Variants in ABHD6 observed in about 807,000 individuals in gnomAD.
The protein encoded by ABHD6 is monoacylglycerol lipase ABHD6.
ABHD6 carries 33 observed loss-of-function variants against 38.8 expected under a neutral mutation model. The observed-to-expected ratio is 0.85, with a 90% CI of 0.64 to 1.14. The LOEUF is 1.14. Ranked by LOEUF, ABHD6 falls within the 50% of genes most tolerant of loss-of-function variation. ABHD6 has a pLI of 0.00. For synonymous variants in ABHD6, 147 were observed against 161.6 expected (o/e 0.91, Z 0.69); for missense variants, 380 against 422.6 (o/e 0.90, Z 0.88).
At chr3:58,261,927 T>C (rs183901576) in intron 3 of ABHD6, among the ~76,000 whole-genome samples, 16 of 152,274 alleles carry the variant, frequency 1.1e-4, no homozygotes, top group Non-Finnish European at 1.9e-4. Context: ...AGCGAAAAGA[T>C]AGAAATAACC....
intron 7 of ABHD6, among the ~76,000 whole-genome samples, chr3:58,280,002 C>G (rs1330928459): frequency 2.0e-5 from 3 of 152,202 alleles, no homozygotes. Flanking sequence ...CCTGACCTTT[C>G]TCTCTGGCTG....
In ABHD6 at chr3:58,285,334, G is replaced by A; in HGVS notation, c.737-19G>A. On this transcript the variant is annotated intron_variant, in intron 8 of 9. Transcript: ENST00000478253. This position sits in a 1 kb window ranked among gnomAD's most constrained non-coding sequence, Gnocchi z 4.9. ...GCACAGTCCAGCACATACTCACTTTGTTTTCCTTTTCTGACAAGTGTTTTT... is the reference window on the plus strand; with the variant it reads ...GCACAGTCCAGCACATACTCACTTTATTTTCCTTTTCTGACAAGTGTTTTT... The A allele has an allele frequency of 6.2e-7, 1 of 1,612,114 alleles. No homozygotes were observed. The highest frequency in any genetic ancestry group is 8.5e-7 in the Non-Finnish European group (1 of 1,178,140).
rs1217267992 is a variant in ABHD6, at chr3:58,286,866, ATATGTATATG to A, written c.837+1417_837+1426del. Among the ~76,000 whole-genome samples, 9 of 128,078 alleles carry A rather than the reference ATATGTATATG, an allele frequency of 7.0e-5. 1 individual carries two copies. The highest frequency in any genetic ancestry group is 2.6e-4 in the African/African-American group (9 of 34,744). The allele number at this position is 128,078 out of a possible 152,430, so 84.0% of individuals were successfully genotyped here. A position where few individuals can be genotyped will look rare whatever the true frequency, so the allele number is the denominator to read the frequency against. On this transcript the variant is annotated intron_variant, in intron 9 of 9. Coordinates refer to ENST00000478253, the MANE Select transcript of ABHD6 (RefSeq NM_001320126.2). ...TGTGTGTGTGTGTATATATATATAT[ATATGTATATG>A]TATATATAAGTAGGTATCTTGGAAA...
At chr3:58,260,812 T>C (rs1334564387) in intron 3 of ABHD6, among the ~76,000 whole-genome samples, 1 of 152,174 alleles carries the variant, frequency 6.6e-6, no homozygotes, top group East Asian at 1.9e-4. Context: ...GGTGAAGTCA[T>C]CACATCGTGC....
chr3:58,258,460 C>T (rs2097434827), intron 3 of ABHD6: 1 of 362,922 alleles, frequency 2.8e-6, no homozygotes, highest in African/African-American at 2.2e-5. Context: ...TTGTTGGAAT[C>T]AGAAGGTTAA....
chr3:58,258,353 G>A (rs374238284), intron 3 of ABHD6: 1 of 435,974 alleles, frequency 2.3e-6, no homozygotes, highest in East Asian at 7.2e-5. Context: ...TAAACACAGT[G>A]ACATTAAACA....
chr3:58,289,897 GC>G (rs1382567996), intron 9 of ABHD6, among the ~76,000 whole-genome samples: 4 of 145,362 alleles, frequency 2.8e-5, no homozygotes, highest in East Asian at 2.1e-4. Flanking sequence ...GGACGGGGTG[GC>G]TGGCCGGGCA....
chr3:58,252,583 TG>T (rs2097430774), intron 2 of ABHD6, among the ~76,000 whole-genome samples: 1 of 152,204 alleles, frequency 6.6e-6, no homozygotes, highest in Admixed American at 6.5e-5. Flanking sequence ...TGAAAAGAGA[TG>T]ACTTTCCTAG....
intron 9 of ABHD6, among the ~76,000 whole-genome samples, chr3:58,289,215 C>T (rs568642327): frequency 4.5e-5 from 6 of 131,894 alleles, no homozygotes; most frequent in East Asian, 2.4e-4. Flanking sequence ...CCACCACACC[C>T]GGGTAATTTT....
chr3:58,276,013 C>T (rs532846563), intron 7 of ABHD6, among the ~76,000 whole-genome samples: 7 of 152,212 alleles, frequency 4.6e-5, no homozygotes, highest in East Asian at 3.9e-4. Flanking sequence ...TCCAGTCTAC[C>T]ATTGATAGAC....
rs1227857782 is a variant in ABHD6 at position 58,294,630 on chromosome 3, A to G, written c.*865A>G. 1.3e-5 allele frequency: 2 copies of G among 152,570 alleles called. No homozygotes were observed. Among genetic ancestry groups the G allele is most frequent in the African/African-American group, 4.8e-5 (2 of 41,412 alleles). 9.5% of individuals were successfully genotyped at this position (152,570 alleles called of 1,614,324 possible). A position where few individuals can be genotyped will look rare whatever the true frequency, so the allele number is the denominator to read the frequency against. ...GATGTAACATACTAGTTAGTTAATG[A>G]ATTCTGTGAATTCTGTGAAGAGTAA... On this transcript the variant is annotated 3_prime_UTR_variant, in exon 10 of 10. Transcript: ENST00000478253.
intron 2 of ABHD6, among the ~76,000 whole-genome samples, chr3:58,252,279 C>A (rs1047574690): frequency 1.8e-4 from 23 of 124,466 alleles, no homozygotes; most frequent in African/African-American, 6.9e-4. Context: ...GTCGCCTAGG[C>A]TGTCGGCTCA....
intron 7 of ABHD6, among the ~76,000 whole-genome samples, chr3:58,279,706 A>T (rs1420260511): frequency 1.3e-5 from 2 of 152,174 alleles, no homozygotes; most frequent in Non-Finnish European, 2.9e-5. Flanking sequence ...ACAATTTGGC[A>T]TGTTTTTGCA....
chr3:58,261,350 G>A (rs964286828), intron 3 of ABHD6, among the ~76,000 whole-genome samples: 1 of 152,188 alleles, frequency 6.6e-6, no homozygotes, highest in Non-Finnish European at 1.5e-5. Context: ...TGAATTTGGA[G>A]CTGGGTGCTG....
intron 1 of ABHD6, among the ~76,000 whole-genome samples, chr3:58,241,583 G>A (rs1347610278): frequency 6.6e-6 from 1 of 152,214 alleles, no homozygotes; most frequent in African/African-American, 2.4e-5. Context: ...TTGGCTGTTG[G>A]CATTGGGTGT....
intron 7 of ABHD6, 22 bp downstream of exon 7, chr3:58,274,837 C>T (rs180892328): frequency 3.2e-5 from 52 of 1,609,606 alleles, no homozygotes; most frequent in Non-Finnish European, 4.2e-5. Flanking sequence ...GCAGCAGCGA[C>T]ACAACTACCC....
chr3:58,239,341 G>A (rs1401721728), intron 1 of ABHD6, among the ~76,000 whole-genome samples: 1 of 152,026 alleles, frequency 6.6e-6, no homozygotes, highest in African/African-American at 2.4e-5. Context: ...ATAATGCACA[G>A]GGCCCAGCAT....
intron 9 of ABHD6, among the ~76,000 whole-genome samples, chr3:58,289,913 G>C (rs1322844935): frequency 6.8e-6 from 1 of 146,080 alleles, no homozygotes; most frequent in Admixed American, 6.7e-5. Flanking sequence ...CGGGCAGAGG[G>C]GCTCCTCACT....
At chr3:58,241,171 C>G (rs1485691011) in intron 1 of ABHD6, among the ~76,000 whole-genome samples, 1 of 152,150 alleles carries the variant, frequency 6.6e-6, no homozygotes, top group Non-Finnish European at 1.5e-5. Context: ...ATATGGCCTC[C>G]AGTGTCACTT....
Sources: allele counts gnomAD v4.1 joint callset (sites outside exome capture counted in the v4.1 genomes callset), GRCh38; gene constraint gnomAD v4.1.1; non-coding constraint Gnocchi (gnomAD v3.1); transcripts MANE v1.5; gene names NCBI Gene and HGNC (gene_info 2026-07-23, HGNC 2026-07-21).